The following MACF1 variants were observed in gnomAD, a reference collection of about 807,000 sequenced individuals.
MACF1 encodes microtubule actin crosslinking factor 1.
MACF1 carries 193 observed loss-of-function variants against 854.8 expected under a neutral mutation model. The ratio of observed to expected loss-of-function variants is 0.23; its 90% confidence interval spans 0.20 to 0.25. The LOEUF (loss-of-function observed/expected upper bound fraction) is 0.25. Ranked by LOEUF, MACF1 falls within the 10% of genes least tolerant of loss-of-function variation. The pLI is 1.00. For missense variants in MACF1, 7,722 were observed against 8,929.1 expected (o/e 0.86, Z 5.45); for synonymous variants, 3,185 against 3,226.7 (o/e 0.99, Z 0.44).
intron 2 of MACF1, chr1:39,154,204 A>G (rs983228157): frequency 6.6e-6 from 1 of 152,180 alleles, no homozygotes; most frequent in East Asian, 1.9e-4. Flanking sequence ...AGACACTGCC[A>G]TTTCTACTAT....
upstream of MACF1, among the ~76,000 whole-genome samples, chr1:39,201,276 T>C (rs907543077): frequency 1.3e-4 from 20 of 152,200 alleles, no homozygotes; most frequent in African/African-American, 4.8e-4. Flanking sequence ...AATTTTCACT[T>C]GAATTATTAT....
chr1:39,219,442 A>G (rs1423376927), intron 1 of MACF1, among the ~76,000 whole-genome samples: 1 of 152,208 alleles, frequency 6.6e-6, no homozygotes, highest in Non-Finnish European at 1.5e-5. Flanking sequence ...ATTGTCAAAT[A>G]CTAAATGAGA....
intron 68 of MACF1, 59 bp from the exon 69 acceptor site, chr1:39,434,355 T>C: frequency 1.0e-6 from 1 of 994,116 alleles, no homozygotes; most frequent in Non-Finnish European, 1.5e-6. Context: ...CCTACTTTTT[T>C]TCTTAAGAGT....
chr1:39,357,152 C>G (rs1314511434), intron 44 of MACF1, among the ~76,000 whole-genome samples: 2 of 152,028 alleles, frequency 1.3e-5, no homozygotes, highest in Admixed American at 6.6e-5. Flanking sequence ...AAGGGCTATA[C>G]CTAAAACAAG....
At chr1:39,095,561 C>CAAAAA (rs34021324) in intron 2 of MACF1, among the ~76,000 whole-genome samples, 86 of 55,686 alleles carry the variant, frequency 1.5e-3, no homozygotes, top group Non-Finnish European at 1.9e-3. Flanking sequence ...GACTCTGTCT[C>CAAAAA]AAAAAAAAAA....
intron 58 of MACF1, among the ~76,000 whole-genome samples, chr1:39,400,573 C>G (rs1481910783): frequency 1.3e-5 from 2 of 151,656 alleles, no homozygotes; most frequent in East Asian, 3.9e-4. Context: ...GTGGCATGAT[C>G]ATGGCTCACT....
intron 51 of MACF1, 81 bp from the exon 52 acceptor site, chr1:39,372,398 G>A (rs999290758): frequency 2.8e-6 from 2 of 719,966 alleles, no homozygotes; most frequent in African/African-American, 3.6e-5. Flanking sequence ...AAAACACTAG[G>A]GAGTATATAC....
chr1:39,251,609 A>C (rs970904835), intron 3 of MACF1, among the ~76,000 whole-genome samples: 5 of 152,230 alleles, frequency 3.3e-5, no homozygotes, highest in African/African-American at 1.2e-4. Flanking sequence ...TAGTTGACTT[A>C]GAAAAGCAGA....
At chr1:39,358,020 A>G in intron 45 of MACF1, 127 bp downstream of exon 45, 3 of 996,818 alleles carry the variant, frequency 3.0e-6, no homozygotes, top group Non-Finnish European at 4.3e-6. Flanking sequence ...TACTTGGACC[A>G]TGGGCAGAAG....
intron 2 of MACF1, among the ~76,000 whole-genome samples, chr1:39,168,610 G>A (rs898301552): frequency 1.6e-4 from 24 of 152,284 alleles, no homozygotes; most frequent in African/African-American, 5.1e-4. Flanking sequence ...TGGGATTACA[G>A]GCGTGAGCCA....
intron 2 of MACF1, among the ~76,000 whole-genome samples, chr1:39,244,173 C>T (rs1001299278): frequency 7.8e-4 from 118 of 151,652 alleles, no homozygotes; most frequent in African/African-American, 2.7e-3. Context: ...GGCACAATCT[C>T]GGCTCACTGC....
At chr1:39,320,033 T>C (rs966464277) in intron 31 of MACF1, among the ~76,000 whole-genome samples, 7 of 152,230 alleles carry the variant, frequency 4.6e-5, no homozygotes, top group African/African-American at 1.7e-4. Context: ...TTCTTAAATA[T>C]GCTTCTTACT....
At position 39,358,753 on chromosome 1, in the gene MACF1, A is replaced by G. The variant is rs147231277; in HGVS notation, c.12000A>G (p.Gln4000=). ...TGTTAGGCCAGTATCATCAATTCCA[A>G]AACAGTGCTGACAGCCTGCAGGCCT... ...NMLLGQYHQF[Q]NSADSLQAWM... The change falls in exon 46 of 101, where the codon CAA becomes CAG. Residue 4000 remains glutamine (Q), a synonymous_variant. Transcript: ENST00000564288. 231 of 1,614,120 alleles carry G rather than the reference A, an allele frequency of 1.4e-4. 1 individual carries two copies. The highest frequency in any genetic ancestry group is 1.1e-3 in the South Asian group (96 of 91,078).
At chr1:39,176,278 CAAA>C (rs11406287) in intron 2 of MACF1, among the ~76,000 whole-genome samples, 2 of 139,824 alleles carry the variant, frequency 1.4e-5, no homozygotes, top group African/African-American at 5.2e-5. Flanking sequence ...ACTCTGTCTC[CAAA>C]AAAAAAAAAA....
intron 31 of MACF1, among the ~76,000 whole-genome samples, chr1:39,322,238 C>T (rs1456679688): frequency 6.6e-6 from 1 of 152,156 alleles, no homozygotes. Flanking sequence ...AAACTATGAC[C>T]CACAGGCCAA....
At chr1:39,118,802 T>G (rs1402583983) in intron 2 of MACF1, among the ~76,000 whole-genome samples, 1 of 152,200 alleles carries the variant, frequency 6.6e-6, no homozygotes. Flanking sequence ...TATTTGTTGC[T>G]GTCGTTAGTT....
intron 2 of MACF1, among the ~76,000 whole-genome samples, chr1:39,171,644 T>C (rs1348141327): frequency 6.6e-6 from 1 of 152,330 alleles, no homozygotes; most frequent in Non-Finnish European, 1.5e-5. Flanking sequence ...TTTTCTTTTT[T>C]GGACACAGTC....
intron 1 of MACF1, chr1:39,215,441 A>C (rs1162704773): frequency 9.5e-6 from 1 of 105,290 alleles, no homozygotes; most frequent in Non-Finnish European, 2.3e-5. Context: ...TTAGTATGTG[A>C]AGTTTTTTTT....
At position 39,388,066 on chromosome 1, in the gene MACF1, G is replaced by T. The variant is rs745989776; in HGVS notation, c.15224G>T (p.Gly5075Val). The T allele has an allele frequency of 3.7e-6, 6 of 1,614,094 alleles. No individual in the cohort carries two copies. In the Admixed American group the frequency reaches 8.3e-5, roughly 22 times the overall value. ...QVDYLRNFTQGLVEDAPDGSD... is the reference protein window; with the variant it reads ...QVDYLRNFTQVLVEDAPDGSD... ...GACTATCTGAGGAACTTTACTCAGG[G>T]TCTGGTAGAAGATGCCCCAGATGGA... Residue 5075 changes from glycine to valine, a missense_variant, in exon 58 of 101, where the codon GGT (glycine) becomes GTT (valine). Transcript: ENST00000564288.
Sources: allele counts gnomAD v4.1 joint callset (sites outside exome capture counted in the v4.1 genomes callset), GRCh38; gene constraint gnomAD v4.1.1; transcripts MANE v1.5; gene names NCBI Gene and HGNC (gene_info 2026-07-23, HGNC 2026-07-21).